IRS1: variants seen among roughly 807,000 people sequenced by gnomAD.
IRS1 encodes insulin receptor substrate 1.
A neutral mutation model predicts 65.6 loss-of-function variants in IRS1; 34 were observed. The observed-to-expected ratio is 0.52, with a 90% confidence interval of 0.39 to 0.69. IRS1 has a LOEUF of 0.69. IRS1 is among the 30% of genes least tolerant of loss of function. The probability of loss-of-function intolerance (pLI) is 0.00; values close to 1 mark genes in which losing one functional copy is unlikely to be tolerated. For synonymous variants in IRS1, 699 were observed against 683.5 expected (o/e 1.02, Z -0.35); for missense variants, 1,641 against 1,720.2 (o/e 0.95, Z 0.81).
chr2:226,757,034 G>C (rs570348428), intron 1 of IRS1, among the ~76,000 whole-genome samples: 1 of 152,250 alleles, frequency 6.6e-6, no homozygotes, highest in African/African-American at 2.4e-5. Flanking sequence ...CTAACAGGCT[G>C]TATGTAGCCA....
At chr2:226,761,142 T>G (rs1020259880) in intron 1 of IRS1, among the ~76,000 whole-genome samples, 1 of 152,232 alleles carries the variant, frequency 6.6e-6, no homozygotes, top group Admixed American at 6.5e-5. Context: ...GAAATCAAGC[T>G]GGGTTCTATA....
intron 1 of IRS1, among the ~76,000 whole-genome samples, chr2:226,761,380 A>C (rs1332510985): frequency 6.6e-6 from 1 of 152,162 alleles, no homozygotes; most frequent in African/African-American, 2.4e-5. Context: ...GGGTGTGAAA[A>C]CAATTCCATG....
At chr2:226,750,249 C>CAAAAAAAAAAAAAAAAAAAAAAAAAA (rs75785691) in intron 1 of IRS1, among the ~76,000 whole-genome samples, 1 of 59,980 alleles carries the variant, frequency 1.7e-5, no homozygotes, top group Non-Finnish European at 3.8e-5. Flanking sequence ...AACTCTGTCT[C>CAAAAAAAAAAAAAAAAAAAAAAAAAA]AAAAAAAAAA....
At chr2:226,781,858 C>A (rs1325387277) in intron 1 of IRS1, among the ~76,000 whole-genome samples, 2 of 138,008 alleles carry the variant, frequency 1.4e-5, no homozygotes, top group Non-Finnish European at 3.1e-5. Flanking sequence ...TCCTCCTCAC[C>A]CCTAAATACA....
chr2:226,744,202 T>C (rs1273416245), intron 1 of IRS1, among the ~76,000 whole-genome samples: 2 of 152,322 alleles, frequency 1.3e-5, no homozygotes, highest in South Asian at 4.1e-4. Context: ...AACCTGTGTT[T>C]AATCTATTTC....
At chr2:226,792,420 A>G (rs1165240777) in intron 1 of IRS1, 1 of 152,360 alleles carries the variant, frequency 6.6e-6, no homozygotes, top group Non-Finnish European at 1.5e-5. Flanking sequence ...GGATAATGTC[A>G]GGAACATGAA....
At chr2:226,792,899 A>T (rs761545855) in intron 1 of IRS1, among the ~76,000 whole-genome samples, 1 of 152,258 alleles carries the variant, frequency 6.6e-6, no homozygotes. Context: ...TAAATGTGCC[A>T]GGTAGCATTT....
Position 226,796,953 on chromosome 2 carries a change from C to G in IRS1, c.1786G>C (p.Gly596Arg), listed in dbSNP as rs769250896. The stretch of plus-strand genomic sequence containing the variant: ...GAGCTGTCTGGGCGGTGGTGCCCCC[C>G]CCGACGCTCCAAGGGGTGCATTTCC... ...GLEMHPLERRGGHHRPDSSTL... is the reference protein window; with the variant it reads ...GLEMHPLERRRGHHRPDSSTL... Residue 596 changes from glycine to arginine, a missense_variant, in exon 1 of 2, where the codon GGG becomes CGG. Physicochemically the swap from Gly to Arg is moderately radical, Grantham distance 125 (BLOSUM62 -2). Transcript: ENST00000305123. 6.4e-6 allele frequency: 10 copies of G among 1,563,890 alleles called. No homozygotes were observed. In the East Asian group the frequency reaches 9.0e-5, roughly 14 times the overall value.
At chr2:226,747,369 C>A (rs1198891040) in intron 1 of IRS1, among the ~76,000 whole-genome samples, 2 of 151,906 alleles carry the variant, frequency 1.3e-5, no homozygotes, top group African/African-American at 4.8e-5. Context: ...GAGGGTGGAG[C>A]CCTCATGGGT....
At position 226,796,872 on chromosome 2, in the gene IRS1, G is replaced by A. The variant is rs1939739827; in HGVS notation, c.1867C>T (p.Pro623Ser). 2 of 1,539,382 alleles carry A rather than the reference G, an allele frequency of 1.3e-6. No individual in the cohort carries two copies. The highest frequency in any genetic ancestry group is 2.7e-5 in the African/African-American group (2 of 72,844). ...TCTCCACTGCCCTTTCGGCCACTGG[G>A]CACTGGGGCCACCCCTGGGGACATG... ...MPMSPGVAPV[P>S]SGRKGSGDYM... Residue 623 changes from proline (P) to serine (S), a missense_variant, in exon 1 of 2, where the codon CCC (proline) becomes TCC (serine). Coordinates refer to ENST00000305123, the MANE Select transcript of IRS1 (RefSeq NM_005544.3).
intron 1 of IRS1, among the ~76,000 whole-genome samples, chr2:226,762,279 T>C (rs1938930827): frequency 6.6e-6 from 1 of 151,782 alleles, no homozygotes. Context: ...GATATCTTAT[T>C]GCATTGACAA....
At position 226,794,134 on chromosome 2, in the gene IRS1, CA is replaced by C. The variant is rs1177117034; in HGVS notation, c.*21+854del. Among the ~76,000 whole-genome samples the C allele has an allele frequency of 6.6e-6, 1 of 152,160 alleles. No homozygotes were observed. The highest frequency in any genetic ancestry group is 2.4e-5 in the African/African-American group (1 of 41,422). On this transcript the variant is annotated intron_variant, in intron 1 of 1. Coordinates refer to ENST00000305123, the MANE Select transcript of IRS1 (RefSeq NM_005544.3). This position sits in a 1 kb window ranked among gnomAD's most constrained non-coding sequence, Gnocchi z 4.1. ...TTTACAGAAGATATATAGTAGCCCC[CA>C]AATGATATCTGTAATGTCTCAGTGC... is the stretch of plus-strand genomic sequence containing the variant.
At position 226,796,070 on chromosome 2, in the gene IRS1, G is replaced by A. The variant is rs767081987; in HGVS notation, c.2669C>T (p.Pro890Leu). 1.9e-6 allele frequency: 3 copies of A among 1,613,952 alleles called. No homozygotes were observed. In the East Asian group the frequency reaches 6.7e-5, roughly 36 times the overall value. ...ATTGACATATTCCCCCGGGCTCTTG[G>A]GCTCTGGAGGGTGCAGCAAGGGCTG... is the stretch of plus-strand genomic sequence containing the variant. ...QQQPLLHPPE[P>L]KSPGEYVNIE... The change falls in exon 1 of 2, where the codon CCC (proline) becomes CTC (leucine). Residue 890 changes from proline (P) to leucine (L), a missense_variant. Coordinates refer to ENST00000305123, the MANE Select transcript of IRS1 (RefSeq NM_005544.3).
At position 226,733,568 on chromosome 2, in the gene IRS1, G is replaced by A. The variant is rs1221854006; in HGVS notation, c.*2704C>T. 1.3e-5 allele frequency: 2 copies of A among 152,204 alleles called. No homozygotes were observed. Among genetic ancestry groups the A allele is most frequent in the African/African-American group, 4.8e-5 (2 of 41,440 alleles). 9.4% of individuals were successfully genotyped at this position (152,204 alleles called of 1,614,324 possible). ...TTAAGTCTCTAAGGAAAAACGCTGTGAGAGGTTGGTGTCATCAAGAAAAAC... is the reference window on the plus strand; with the variant it reads ...TTAAGTCTCTAAGGAAAAACGCTGTAAGAGGTTGGTGTCATCAAGAAAAAC... On this transcript the variant is annotated 3_prime_UTR_variant, in exon 2 of 2. Transcript: ENST00000305123.
chr2:226,750,685 C>G (rs767706868), intron 1 of IRS1, among the ~76,000 whole-genome samples: 3 of 152,072 alleles, frequency 2.0e-5, no homozygotes, highest in Non-Finnish European at 4.4e-5. Context: ...TGGTAATATC[C>G]TAGTCATCAA....
chr2:226,771,287 C>T (rs1939159762), intron 1 of IRS1, among the ~76,000 whole-genome samples: 1 of 152,162 alleles, frequency 6.6e-6, no homozygotes, highest in Admixed American at 6.5e-5. Flanking sequence ...GGTCCCCTTT[C>T]CTGTTCCCAA....
At chr2:226,762,412 T>C (rs909833923) in intron 1 of IRS1, among the ~76,000 whole-genome samples, 2 of 151,054 alleles carry the variant, frequency 1.3e-5, no homozygotes, top group Non-Finnish European at 3.0e-5. Context: ...AAGCTTTACC[T>C]ACCACAGGTA....
rs1379699744 is a variant in IRS1, at chr2:226,734,883, T to A, written c.*1389A>T. 6.6e-6 allele frequency: 1 copy of A among 152,202 alleles called. No individual in the cohort carries two copies. The highest frequency in any genetic ancestry group is 1.5e-5 in the Non-Finnish European group (1 of 68,034). The allele number at this position is 152,202 out of a possible 1,614,324, so 9.4% of individuals were successfully genotyped here. On this transcript the variant is annotated 3_prime_UTR_variant, in exon 2 of 2. Transcript: ENST00000305123. ...TGTTTCAGTAGCAGGTCATTAAGCT[T>A]TTCTGTGCTCTCTGTACGCTGTGTT...
intron 1 of IRS1, among the ~76,000 whole-genome samples, chr2:226,778,142 T>C (rs1193615417): frequency 2.0e-5 from 3 of 152,196 alleles, no homozygotes; most frequent in Non-Finnish European, 2.9e-5. Context: ...ATGGTCATCG[T>C]GTTTTATTTT....
Sources: allele counts gnomAD v4.1 joint callset (sites outside exome capture counted in the v4.1 genomes callset), GRCh38; gene constraint gnomAD v4.1.1; non-coding constraint Gnocchi (gnomAD v3.1); transcripts MANE v1.5; gene names NCBI Gene and HGNC (gene_info 2026-07-23, HGNC 2026-07-21).